The following SPAG17 variants were observed in gnomAD, a reference collection of about 807,000 sequenced individuals.
The protein encoded by SPAG17 is sperm-associated antigen 17.
A neutral mutation model predicts 273.6 loss-of-function variants in SPAG17; 169 were observed. That is an observed-to-expected ratio of 0.62 (90% CI 0.55 to 0.70). The LOEUF is 0.70. Ranked by LOEUF, SPAG17 falls within the 30% of genes least tolerant of loss-of-function variation. The pLI is 0.00. For missense variants in SPAG17, 2,557 were observed against 2,627.8 expected (o/e 0.97, Z 0.59); for synonymous variants, 825 against 873.2 (o/e 0.94, Z 0.97).
chr1:118,015,506 T>A (rs1338041712), intron 29 of SPAG17, among the ~76,000 whole-genome samples: 1 of 152,172 alleles, frequency 6.6e-6, no homozygotes, highest in African/African-American at 2.4e-5. Flanking sequence ...CAAAGGATCA[T>A]GAACAAACTC....
intron 4 of SPAG17, among the ~76,000 whole-genome samples, chr1:118,109,256 C>T (rs976315849): frequency 2.3e-4 from 35 of 151,186 alleles, no homozygotes; most frequent in Admixed American, 9.9e-4. Context: ...ATTCTCCTGC[C>T]TAATGTAGGC....
At chr1:118,095,376 G>A (rs1372306079) in intron 7 of SPAG17, among the ~76,000 whole-genome samples, 1 of 152,210 alleles carries the variant, frequency 6.6e-6, no homozygotes, top group Admixed American at 6.5e-5. Context: ...ACAGTAGGGA[G>A]CCCTAGCTAG....
chr1:118,057,598 T>A (rs1027225889), intron 18 of SPAG17, among the ~76,000 whole-genome samples: 1 of 152,142 alleles, frequency 6.6e-6, no homozygotes, highest in Admixed American at 6.5e-5. Context: ...ACATAGGTAC[T>A]TTCTGAACTA....
At chr1:118,128,758 T>G (rs1351343516) in intron 3 of SPAG17, among the ~76,000 whole-genome samples, 1 of 152,236 alleles carries the variant, frequency 6.6e-6, no homozygotes, top group African/African-American at 2.4e-5. Flanking sequence ...CATGTTCCAC[T>G]TCTCAGACTA....
intron 46 of SPAG17, among the ~76,000 whole-genome samples, chr1:117,968,217 A>C (rs1002660809): frequency 1.3e-5 from 2 of 152,202 alleles, no homozygotes; most frequent in African/African-American, 4.8e-5. Context: ...TGCCAGAGCC[A>C]AAACCTACTA....
chr1:118,126,571 A>C (rs1306935285), intron 3 of SPAG17, among the ~76,000 whole-genome samples: 1 of 151,928 alleles, frequency 6.6e-6, no homozygotes. Flanking sequence ...TTCCTTATAT[A>C]TTCTGAATAT....
chr1:117,970,979 C>T (rs1654484184), intron 45 of SPAG17, among the ~76,000 whole-genome samples: 1 of 152,084 alleles, frequency 6.6e-6, no homozygotes, highest in African/African-American at 2.4e-5. Flanking sequence ...AAGGTTATTC[C>T]TGAAGCTGGG....
intron 23 of SPAG17, among the ~76,000 whole-genome samples, chr1:118,037,858 A>G (rs1450989977): frequency 6.6e-6 from 1 of 152,160 alleles, no homozygotes. Flanking sequence ...TTTTCAGTTC[A>G]CCATTTTCTC....
At chr1:118,120,953 G>A (rs932784672) in intron 3 of SPAG17, among the ~76,000 whole-genome samples, 4 of 152,026 alleles carry the variant, frequency 2.6e-5, no homozygotes, top group African/African-American at 7.2e-5. Context: ...AAGTATTTTC[G>A]AGCAATAAGT....
intron 1 of SPAG17, among the ~76,000 whole-genome samples, chr1:118,156,846 G>A (rs1412300780): frequency 1.3e-5 from 2 of 151,640 alleles, no homozygotes; most frequent in Non-Finnish European, 2.9e-5. Context: ...TTTGATTTAT[G>A]GTGGAAGAAT....
At chr1:118,108,895 T>C (rs1656579421) in intron 4 of SPAG17, among the ~76,000 whole-genome samples, 1 of 152,170 alleles carries the variant, frequency 6.6e-6, no homozygotes, top group Non-Finnish European at 1.5e-5. Flanking sequence ...GACACCTATC[T>C]AGAACACTTA....
At chr1:118,094,524 C>T (rs762682383) in intron 7 of SPAG17, among the ~76,000 whole-genome samples, 42 of 152,082 alleles carry the variant, frequency 2.8e-4, no homozygotes, top group African/African-American at 4.3e-4. Context: ...AAATGCTTTC[C>T]GCCAATCAAA....
chr1:118,036,572 T>TAA (rs1649111006), intron 24 of SPAG17, 198 bp downstream of exon 24: 2 of 324,272 alleles, frequency 6.2e-6, no homozygotes, highest in Middle Eastern at 8.3e-4. Context: ...AAAGATTATA[T>TAA]ATATATATAC....
rs532872687 is a variant in SPAG17 at position 118,024,801 on chromosome 1, A to G, written c.3909+437T>C. 3.3e-5 allele frequency among the ~76,000 whole-genome samples: 5 copies of G among 152,232 alleles called. No homozygotes were observed. In the East Asian group the frequency reaches 9.7e-4, roughly 29 times the overall value. On this transcript the variant is annotated intron_variant, in intron 27 of 48. Transcript: ENST00000336338. ...CCATTTCGATGTTTAATTTTGCTGCATGTTTTCCTCTTGTGTATGTTTTAA... is the reference window on the plus strand; with the variant it reads ...CCATTTCGATGTTTAATTTTGCTGCGTGTTTTCCTCTTGTGTATGTTTTAA...
In SPAG17 at chr1:118,030,142, G is replaced by A. The variant is rs4475733; in HGVS notation, c.3609+1550C>T. On this transcript the variant is annotated intron_variant, in intron 25 of 48. Transcript: ENST00000336338. ...CTGGAGTTATTCTGTTTTAACACTTGAACATTTTTACTTAACAAGAGTCAA... is the reference window on the plus strand; with the variant it reads ...CTGGAGTTATTCTGTTTTAACACTTAAACATTTTTACTTAACAAGAGTCAA... 0.025 allele frequency among the ~76,000 whole-genome samples: 3,741 copies of A among 151,946 alleles called. 272 individuals are homozygous for A. In the East Asian group the frequency reaches 0.3, roughly 12 times the overall value.
intron 22 of SPAG17, among the ~76,000 whole-genome samples, chr1:118,040,225 G>A (rs1380537109): frequency 6.6e-6 from 1 of 152,058 alleles, no homozygotes; most frequent in Non-Finnish European, 1.5e-5. Flanking sequence ...GACAGAACTA[G>A]GAGAAAATAT....
At position 118,016,177 on chromosome 1, in the gene SPAG17, T is replaced by G; in HGVS notation, c.4075A>C (p.Ser1359Arg). Residue 1359 changes from serine to arginine, a missense_variant, in exon 29 of 49, where the codon AGT becomes CGT. Physicochemically the swap from Ser to Arg is moderately radical, Grantham distance 110. Coordinates refer to ENST00000336338, the MANE Select transcript of SPAG17 (RefSeq NM_206996.4). ...SEITNTKKGKSHKSQSSMAHK... is the reference protein window; with the variant it reads ...SEITNTKKGKRHKSQSSMAHK... The stretch of plus-strand genomic sequence containing the variant: ...GCCATTGATGACTGACTTTTGTGAC[T>G]TTTTCCTGTGAAGTTCAAGTAAAAT... 1 of 1,611,772 alleles carries G rather than the reference T, an allele frequency of 6.2e-7. No individual in the cohort carries two copies. Among genetic ancestry groups the G allele is most frequent in the Non-Finnish European group, 8.5e-7 (1 of 1,178,328 alleles).
At chr1:118,165,040 C>T (rs895258059) in intron 1 of SPAG17, among the ~76,000 whole-genome samples, 29 of 152,146 alleles carry the variant, frequency 1.9e-4, no homozygotes, top group African/African-American at 5.3e-4. Context: ...TGACTATTTC[C>T]CTAAGTGTCT....
intron 28 of SPAG17, among the ~76,000 whole-genome samples, chr1:118,017,288 C>A (rs1660069162): frequency 6.6e-6 from 1 of 152,006 alleles, no homozygotes; most frequent in Non-Finnish European, 1.5e-5. Flanking sequence ...TATTTCCCTC[C>A]CCTCTCCTTC....
Sources: allele counts gnomAD v4.1 joint callset (sites outside exome capture counted in the v4.1 genomes callset), GRCh38; gene constraint gnomAD v4.1.1; transcripts MANE v1.5; gene names NCBI Gene and HGNC (gene_info 2026-07-23, HGNC 2026-07-21).